KCTD1: variants seen among roughly 807,000 people sequenced by gnomAD.
KCTD1 encodes the protein BTB/POZ domain-containing protein KCTD1.
A neutral mutation model predicts 66.0 loss-of-function variants in KCTD1; 24 were observed. That is an observed-to-expected ratio of 0.36 (90% CI 0.26 to 0.51). The LOEUF (loss-of-function observed/expected upper bound fraction) is 0.51, where lower values mean the gene tolerates loss of function less well. Among genes scored for constraint, KCTD1 ranks in the 20% least tolerant of loss-of-function variants. The pLI is 0.95. For synonymous variants in KCTD1, 511 were observed against 517.2 expected (o/e 0.99, Z 0.16); for missense variants, 943 against 1,205.2 (o/e 0.78, Z 3.22).
chr18:26,566,367 G>C (rs1217485216), intron 1 of KCTD1: 5 of 152,198 alleles, frequency 3.3e-5, no homozygotes, highest in African/African-American at 7.2e-5. Context: ...GTTTTCCCTG[G>C]CTGCACTTCC....
At chr18:26,516,207 G>A (rs1983648016) in intron 1 of KCTD1, among the ~76,000 whole-genome samples, 1 of 152,064 alleles carries the variant, frequency 6.6e-6, no homozygotes, top group Non-Finnish European at 1.5e-5. Context: ...AGGAAGACAG[G>A]GGTGTGTGTT....
chr18:26,648,334 T>TA (rs1459016544), intron 1 of KCTD1, among the ~76,000 whole-genome samples: 3 of 152,152 alleles, frequency 2.0e-5, no homozygotes, highest in Admixed American at 2.0e-4. Flanking sequence ...CAAGACAATT[T>TA]AAAAAATGTT....
intron 1 of KCTD1, among the ~76,000 whole-genome samples, chr18:26,651,307 G>C (rs536248149): frequency 6.6e-6 from 1 of 152,172 alleles, no homozygotes; most frequent in African/African-American, 2.4e-5. Context: ...AAAGCAGAAC[G>C]GCTAATGGGG....
intron 1 of KCTD1, among the ~76,000 whole-genome samples, chr18:26,535,657 A>G (rs553246863): frequency 9.9e-5 from 15 of 152,226 alleles, no homozygotes; most frequent in African/African-American, 3.6e-4. Context: ...ACATCCATCA[A>G]TATACTTGTG....
Position 26,459,630 on chromosome 18 carries a change from T to A in KCTD1, c.2429A>T (p.Asn810Ile). The A allele has an allele frequency of 6.3e-7, 1 of 1,594,772 alleles. No individual in the cohort carries two copies. The highest frequency in any genetic ancestry group is 8.6e-7 in the Non-Finnish European group (1 of 1,167,988). The change falls in exon 4 of 5, where the codon AAC becomes ATC. Residue 810 changes from asparagine to isoleucine, a missense_variant. By Grantham distance (149) the Asn-to-Ile change is moderately radical. Coordinates refer to ENST00000580059, the MANE Select transcript of KCTD1 (RefSeq NM_001142730.3). ...RFPLNGYCHL[N>I]SVQVLERLQQ... ...GTAACAATGCTATACCTGGACTGAG[T>A]TGAGGTGACAGTAGCCATTTAGTGG...
chr18:26,584,593 G>T (rs1482610190), intron 1 of KCTD1, among the ~76,000 whole-genome samples: 1 of 152,142 alleles, frequency 6.6e-6, no homozygotes, highest in Non-Finnish European at 1.5e-5. Flanking sequence ...ATTGAGCTGG[G>T]TCCAGGAGGT....
At chr18:26,626,218 G>A (rs1481110910) in intron 1 of KCTD1, among the ~76,000 whole-genome samples, 1 of 151,438 alleles carries the variant, frequency 6.6e-6, no homozygotes, top group Non-Finnish European at 1.5e-5. Context: ...ACTTTCTGTT[G>A]CTTGCAATCA....
At chr18:26,593,336 A>AGAGGAGGAGGAAGAGGAGGAAGAGGAG (rs1450558108) in intron 1 of KCTD1, among the ~76,000 whole-genome samples, 17 of 115,404 alleles carry the variant, frequency 1.5e-4, no homozygotes, top group Non-Finnish European at 2.2e-4. Context: ...AGGAGGAGGA[A>AGAGGAGGAGGAAGAGGAGGAAGAGGAG]GAGGAGGAAG....
intron 1 of KCTD1, among the ~76,000 whole-genome samples, chr18:26,634,928 G>A (rs1198723266): frequency 7.2e-5 from 11 of 152,152 alleles, no homozygotes; most frequent in Non-Finnish European, 1.6e-4. Flanking sequence ...GCAGAAGTGA[G>A]TGAGGCAAAA....
At position 26,456,079 on chromosome 18, in the gene KCTD1, C is replaced by T. The variant is rs1474278613; in HGVS notation, c.2440-178G>A. On this transcript the variant is annotated intron_variant, in intron 4 of 4. Coordinates refer to ENST00000580059, the MANE Select transcript of KCTD1 (RefSeq NM_001142730.3). Reference sequence around the variant, plus strand: ...TAATGGGCAGGAGAGAGGAAGCAAGCATTTCTAATGCCTAAAATGTGCCTT... The same window carrying T: ...TAATGGGCAGGAGAGAGGAAGCAAGTATTTCTAATGCCTAAAATGTGCCTT... 3.7e-5 allele frequency: 22 copies of T among 587,248 alleles called. No individual in the cohort carries two copies. In the East Asian group the frequency reaches 6.0e-4, roughly 16 times the overall value. The allele number at this position is 587,248 out of a possible 1,614,324, so 36.4% of individuals were successfully genotyped here.
chr18:26,603,791 A>G (rs2144975769), intron 1 of KCTD1, among the ~76,000 whole-genome samples: 1 of 112,440 alleles, frequency 8.9e-6, no homozygotes, highest in Non-Finnish European at 2.0e-5. Context: ...AATAAATAAA[A>G]CCCCACACTA....
At chr18:26,501,355 G>A in intron 1 of KCTD1, 105 bp from the exon 2 acceptor site, 4 of 1,015,648 alleles carry the variant, frequency 3.9e-6, no homozygotes, top group Non-Finnish European at 5.6e-6. Context: ...TACTCATTCA[G>A]TAATAAAACC....
At chr18:26,465,962 G>T (rs1980707088) in intron 3 of KCTD1, among the ~76,000 whole-genome samples, 1 of 152,178 alleles carries the variant, frequency 6.6e-6, no homozygotes. Context: ...TGAGGCCGTG[G>T]TCTGGGGCAT....
At chr18:26,640,623 G>T (rs1369074497), upstream of KCTD1, among the ~76,000 whole-genome samples, 1 of 152,116 alleles carries the variant, frequency 6.6e-6, no homozygotes, top group Non-Finnish European at 1.5e-5. Context: ...AAAGAATCAG[G>T]AAAATCATGG....
At chr18:26,614,441 G>A (rs936810317) in intron 1 of KCTD1, among the ~76,000 whole-genome samples, 6 of 152,236 alleles carry the variant, frequency 3.9e-5, no homozygotes, top group Non-Finnish European at 7.3e-5. Context: ...AACGGAAAAA[G>A]GGGTGGGGAG....
chr18:26,618,782 G>C (rs1568011415), intron 1 of KCTD1, among the ~76,000 whole-genome samples: 2 of 152,112 alleles, frequency 1.3e-5, no homozygotes. Flanking sequence ...TCCAAATCAG[G>C]GTTGTTATTA....
chr18:26,598,668 G>A (rs548528528), intron 1 of KCTD1, among the ~76,000 whole-genome samples: 1 of 152,214 alleles, frequency 6.6e-6, no homozygotes, highest in African/African-American at 2.4e-5. Context: ...GTTATTGTCT[G>A]TGTTTTAAAT....
At chr18:26,653,667 C>T (rs1988076874) in intron 1 of KCTD1, among the ~76,000 whole-genome samples, 2 of 152,190 alleles carry the variant, frequency 1.3e-5, no homozygotes, top group African/African-American at 4.8e-5. Context: ...ATGAATGGAC[C>T]TAATGAACAC....
intron 1 of KCTD1, among the ~76,000 whole-genome samples, chr18:26,546,200 C>T (rs1031668421): frequency 6.8e-6 from 1 of 147,152 alleles, no homozygotes; most frequent in African/African-American, 2.5e-5. Context: ...AACTGCCTGG[C>T]TCTCCACTCT....
Sources: gnomAD v4.1 joint callset for allele counts (sites outside exome capture counted in the v4.1 genomes callset) on GRCh38, gnomAD v4.1.1 for gene constraint, MANE v1.5 for transcripts, NCBI Gene and HGNC (gene_info 2026-07-23, HGNC 2026-07-21) for gene names.